Variants in ATF1 observed in about 807,000 individuals in gnomAD.
ATF1 encodes activating transcription factor 1.
In ATF1, 16 loss-of-function variants were observed where a neutral mutation model predicts 34.7. That is an observed-to-expected ratio of 0.46 (90% CI 0.31 to 0.70). The LOEUF (loss-of-function observed/expected upper bound fraction) is 0.70. Among genes scored for constraint, ATF1 ranks in the 30% least tolerant of loss-of-function variants. ATF1 has a pLI of 0.05. For missense variants in ATF1, 255 were observed against 321.6 expected (o/e 0.79, Z 1.58); for synonymous variants, 105 against 113.1 (o/e 0.93, Z 0.46).
chr12:50,811,933 C>T (rs7306662), intron 4 of ATF1, among the ~76,000 whole-genome samples: 1,588 of 152,196 alleles, frequency 0.01, 29 homozygotes, highest in African/African-American at 0.037. Flanking sequence ...GCAACATAGG[C>T]CAATAGAACT....
chr12:50,772,548 A>C (rs1185046664), intron 1 of ATF1, among the ~76,000 whole-genome samples: 1 of 151,018 alleles, frequency 6.6e-6, no homozygotes, highest in African/African-American at 2.4e-5. Context: ...TTGGTCTCGA[A>C]CTCCTGACCT....
intron 2 of ATF1, among the ~76,000 whole-genome samples, chr12:50,792,308 G>T (rs1264195259): frequency 6.6e-6 from 1 of 152,200 alleles, no homozygotes; most frequent in African/African-American, 2.4e-5. Context: ...AATATAATCA[G>T]CTCTGAAATG....
At position 50,776,265 on chromosome 12, in the gene ATF1, G is replaced by A. The variant is rs535102629; in HGVS notation, c.-6-3875G>A. Among the ~76,000 whole-genome samples, 5 of 141,676 alleles carry A rather than the reference G, an allele frequency of 3.5e-5. No homozygotes were observed. The South Asian group carries it at 6.5e-4, about 18-fold the overall frequency. The allele number at this position is 141,676 out of a possible 152,430, so 92.9% of individuals were successfully genotyped here. On this transcript the variant is annotated intron_variant, in intron 1 of 6. Transcript: ENST00000262053. ...CGGGAGGTGGAGCTTGCAGTGAGCC[G>A]AGATCGTCCCACTGCACTCCAGCCT...
intron 1 of ATF1, 78 bp from the exon 2 acceptor site, chr12:50,780,062 A>G (rs975486424): frequency 3.6e-6 from 4 of 1,102,980 alleles, no homozygotes; most frequent in South Asian, 1.7e-5. Flanking sequence ...TAAATGATCA[A>G]TTTTTATATG....
intron 2 of ATF1, among the ~76,000 whole-genome samples, chr12:50,789,689 AG>A (rs1177090663): frequency 6.6e-6 from 1 of 152,058 alleles, no homozygotes; most frequent in Non-Finnish European, 1.5e-5. Flanking sequence ...CAGGAGGCAG[AG>A]GTTGCAGGGA....
chr12:50,771,698 G>A (rs952565339), intron 1 of ATF1, among the ~76,000 whole-genome samples: 2 of 152,144 alleles, frequency 1.3e-5, no homozygotes, highest in African/African-American at 2.4e-5. Flanking sequence ...AGATGATTAA[G>A]GCATTCTAAG....
intron 3 of ATF1, among the ~76,000 whole-genome samples, chr12:50,798,440 C>G (rs1325261587): frequency 2.0e-5 from 3 of 151,744 alleles, no homozygotes. Context: ...TTCCGAGTAG[C>G]TGGGACTACA....
chr12:50,804,009 CTAAAA>C (rs1941566124), intron 3 of ATF1, among the ~76,000 whole-genome samples: 1 of 152,160 alleles, frequency 6.6e-6, no homozygotes, highest in African/African-American at 2.4e-5. Flanking sequence ...CAAAAGTGTT[CTAAAA>C]TTAGATTATA....
At chr12:50,808,856 C>G (rs1592198774) in intron 3 of ATF1, among the ~76,000 whole-genome samples, 1 of 151,840 alleles carries the variant, frequency 6.6e-6, no homozygotes, top group Non-Finnish European at 1.5e-5. Flanking sequence ...CCTCCTGCCT[C>G]AGCCTCCCAA....
intron 3 of ATF1, among the ~76,000 whole-genome samples, chr12:50,796,888 C>CA (rs1413352137): frequency 6.6e-6 from 1 of 151,698 alleles, no homozygotes; most frequent in African/African-American, 2.4e-5. Context: ...GCTTAGGCTA[C>CA]AAAAAAATAA....
At chr12:50,785,271 TTATA>T (rs1299229926) in intron 2 of ATF1, among the ~76,000 whole-genome samples, 5 of 113,766 alleles carry the variant, frequency 4.4e-5, no homozygotes, top group East Asian at 2.6e-4. Flanking sequence ...AAAAAAAAAA[TTATA>T]TATATACATA....
At chr12:50,773,735 GC>G (rs1279253454) in intron 1 of ATF1, among the ~76,000 whole-genome samples, 4 of 151,682 alleles carry the variant, frequency 2.6e-5, no homozygotes, top group Non-Finnish European at 5.9e-5. Flanking sequence ...GACTACAGGT[GC>G]CCACCACCAC....
intron 3 of ATF1, among the ~76,000 whole-genome samples, chr12:50,803,017 T>G (rs888458710): frequency 6.6e-6 from 1 of 151,682 alleles, no homozygotes; most frequent in Non-Finnish European, 1.5e-5. Context: ...TCCCAGCACT[T>G]TGGGAGGCCA....
At chr12:50,764,609 T>C (rs1940582183) in intron 1 of ATF1, 1 of 152,240 alleles carries the variant, frequency 6.6e-6, no homozygotes, top group Non-Finnish European at 1.5e-5. Flanking sequence ...AGCCGCCCTT[T>C]GCAGTCGCAG....
intron 1 of ATF1, among the ~76,000 whole-genome samples, chr12:50,777,621 C>T (rs965167755): frequency 1.5e-5 from 2 of 134,350 alleles, no homozygotes; most frequent in Non-Finnish European, 3.0e-5. Flanking sequence ...ACAGAAAAGA[C>T]CCCCCCCAAA....
chr12:50,798,610 G>A (rs1447533866), intron 3 of ATF1, among the ~76,000 whole-genome samples: 1 of 152,006 alleles, frequency 6.6e-6, no homozygotes, highest in African/African-American at 2.4e-5. Flanking sequence ...TGCCCAGCCT[G>A]AACCTGAGAT....
chr12:50,799,564 G>C (rs955437274), intron 3 of ATF1, among the ~76,000 whole-genome samples: 1 of 151,944 alleles, frequency 6.6e-6, no homozygotes, highest in Non-Finnish European at 1.5e-5. Flanking sequence ...TACAAATGTT[G>C]GAATTATATG....
intron 1 of ATF1, among the ~76,000 whole-genome samples, chr12:50,766,110 CTATAGT>C (rs1182262013): frequency 6.6e-6 from 1 of 152,286 alleles, no homozygotes; most frequent in Admixed American, 6.5e-5. Context: ...CACAAAGGGA[CTATAGT>C]GCAGAAACCC....
At chr12:50,804,966 C>G (rs992110776) in intron 3 of ATF1, among the ~76,000 whole-genome samples, 1 of 151,952 alleles carries the variant, frequency 6.6e-6, no homozygotes, top group African/African-American at 2.4e-5. Context: ...CCCACCACCA[C>G]GCCCAGCTAA....
Sources: allele counts gnomAD v4.1 joint callset (sites outside exome capture counted in the v4.1 genomes callset), GRCh38; gene constraint gnomAD v4.1.1; transcripts MANE v1.5; gene names NCBI Gene and HGNC (gene_info 2026-07-23, HGNC 2026-07-21).